SIL1: variants seen among roughly 807,000 people sequenced by gnomAD.
SIL1 encodes SIL1 nucleotide exchange factor, also known as nucleotide exchange factor SIL1.
A neutral mutation model predicts 49.1 loss-of-function variants in SIL1; 40 were observed. That is an observed-to-expected ratio of 0.81 (90% CI 0.63 to 1.06). SIL1 has a LOEUF of 1.06. Among genes scored for constraint, SIL1 ranks in the 50% least tolerant of loss-of-function variants. The pLI is 0.00. For missense variants in SIL1, 500 were observed against 572.6 expected, an observed-to-expected ratio of 0.87 and a Z score of 1.29; for synonymous variants, 253 against 250.8, an observed-to-expected ratio of 1.01 and a Z score of -0.08.
At chr5:139,170,801 C>G (rs1334891200) in intron 1 of SIL1, among the ~76,000 whole-genome samples, 1 of 151,270 alleles carries the variant, frequency 6.6e-6, no homozygotes, top group Non-Finnish European at 1.5e-5. Flanking sequence ...GCCAGGCCAG[C>G]CGCCCCGTCC....
chr5:139,082,371 G>T (rs1561855093), intron 3 of SIL1, among the ~76,000 whole-genome samples: 1 of 152,116 alleles, frequency 6.6e-6, no homozygotes, highest in Non-Finnish European at 1.5e-5. Flanking sequence ...GAGTCTGACA[G>T]CACCTCAGGA....
At chr5:139,170,866 G>A (rs1751745638) in intron 1 of SIL1, among the ~76,000 whole-genome samples, 1 of 150,158 alleles carries the variant, frequency 6.7e-6, no homozygotes, top group African/African-American at 2.4e-5. Context: ...CGTCCGGGAG[G>A]TGAGGGGCGC....
intron 3 of SIL1, among the ~76,000 whole-genome samples, chr5:139,081,112 C>T (rs563194442): frequency 5.9e-5 from 9 of 152,246 alleles, no homozygotes; most frequent in South Asian, 4.2e-4. Flanking sequence ...TCCTGTCCTA[C>T]GACAGACATT....
intron 7 of SIL1, among the ~76,000 whole-genome samples, chr5:139,004,819 C>T (rs1768072593): frequency 6.6e-6 from 1 of 152,078 alleles, no homozygotes; most frequent in Non-Finnish European, 1.5e-5. Context: ...ACAAATGAAA[C>T]TAGAGGACAT....
At chr5:139,109,812 T>C (rs1265071276) in intron 3 of SIL1, among the ~76,000 whole-genome samples, 7 of 149,564 alleles carry the variant, frequency 4.7e-5, no homozygotes, top group African/African-American at 1.5e-4. Context: ...ACCCCTTCCA[T>C]TCTAGGATCC....
At chr5:138,983,846 C>T (rs1007938833) in intron 7 of SIL1, among the ~76,000 whole-genome samples, 3 of 121,960 alleles carry the variant, frequency 2.5e-5, no homozygotes, top group East Asian at 2.0e-4. Flanking sequence ...CACCACTAGA[C>T]AAGAGCTTCC....
At chr5:139,088,336 A>G (rs1770270783) in intron 3 of SIL1, among the ~76,000 whole-genome samples, 1 of 152,236 alleles carries the variant, frequency 6.6e-6, no homozygotes, top group African/African-American at 2.4e-5. Flanking sequence ...ACTGGCTGAC[A>G]ATAAAGCCTT....
At chr5:139,084,651 G>A (rs1770169745) in intron 3 of SIL1, among the ~76,000 whole-genome samples, 1 of 119,562 alleles carries the variant, frequency 8.4e-6, no homozygotes, top group South Asian at 3.4e-4. Flanking sequence ...GGGGGAGGGG[G>A]GAGGGATAGC....
At chr5:139,108,920 A>G (rs1215050098) in intron 3 of SIL1, among the ~76,000 whole-genome samples, 1 of 148,800 alleles carries the variant, frequency 6.7e-6, no homozygotes, top group Non-Finnish European at 1.5e-5. Flanking sequence ...AAAAAAAAAG[A>G]GTATTGTGTT....
rs70982757 is a variant in SIL1 at position 139,176,927 on chromosome 5, C to CTTT, written c.-11+21339_-11+21341dup. Among the ~76,000 whole-genome samples the CTTT allele has an allele frequency of 9.0e-3, 864 of 95,794 alleles. 4 individuals carry two copies. Among genetic ancestry groups the CTTT allele is most frequent in the Non-Finnish European group, 0.014 (689 of 48,840 alleles). The allele number at this position is 95,794 out of a possible 152,430, so 62.8% of individuals were successfully genotyped here. On this transcript the variant is annotated intron_variant, in intron 1 of 9. Coordinates refer to ENST00000394817, the MANE Select transcript of SIL1 (RefSeq NM_022464.5). ...GCTTCCAAGTGGAGAAGCTGAGATT[C>CTTT]TTTTTTTTTTTTTTTTTTTTTTTGA...
At position 138,947,699 on chromosome 5, in the gene SIL1, G is replaced by C. The variant is rs1766667741; in HGVS notation, c.1030-226C>G. 6.6e-6 allele frequency among the ~76,000 whole-genome samples: 1 copy of C among 152,220 alleles called. No individual in the cohort carries two copies. The highest frequency in any genetic ancestry group is 6.5e-5 in the Admixed American group (1 of 15,290). On this transcript the variant is annotated intron_variant, in intron 9 of 9. Coordinates refer to ENST00000394817, the MANE Select transcript of SIL1 (RefSeq NM_022464.5). The surrounding 1 kb of genome is among the most constrained non-coding windows in gnomAD (Gnocchi z 4.1). ...GCCAGGTGCTGAAGAAACCACGATG[G>C]AGACATAGTCTTACCCTCAAGGAGC...
Position 138,947,303 on chromosome 5 carries a change from T to C in SIL1, c.1200A>G (p.Thr400=). Reference sequence around the variant, plus strand: ...GGCAGGTGGTCAGGAGGACGCCCAGTGTCTGCAGCACCTTCTCACGGGCAT... The same window carrying C: ...GGCAGGTGGTCAGGAGGACGCCCAGCGTCTGCAGCACCTTCTCACGGGCAT... ...EHDAREKVLQ[T]LGVLLTTCRD... The change falls in exon 10 of 10, where the codon ACA becomes ACG. Residue 400 remains threonine (T), a synonymous_variant. Transcript: ENST00000394817. This position sits in a 1 kb window ranked among gnomAD's most constrained non-coding sequence, Gnocchi z 4.1. 2.5e-6 allele frequency: 4 copies of C among 1,613,464 alleles called. No homozygotes were observed. Among genetic ancestry groups the C allele is most frequent in the Non-Finnish European group, 3.4e-6 (4 of 1,179,998 alleles).
intron 7 of SIL1, among the ~76,000 whole-genome samples, chr5:139,011,568 A>C (rs181271084): frequency 5.8e-4 from 88 of 152,146 alleles, no homozygotes; most frequent in African/African-American, 2.0e-3. Context: ...TCCTGGCTTC[A>C]AGTGATCCTC....
At chr5:139,046,979 G>C (rs554313423) in intron 4 of SIL1, among the ~76,000 whole-genome samples, 16 of 152,216 alleles carry the variant, frequency 1.1e-4, no homozygotes, top group Non-Finnish European at 2.1e-4. Flanking sequence ...TGTGGAGGCT[G>C]TTTTGTTTAT....
chr5:139,055,622 C>CCT (rs1561844807), intron 3 of SIL1, among the ~76,000 whole-genome samples: 4 of 100,152 alleles, frequency 4.0e-5, no homozygotes, highest in African/African-American at 1.5e-4. Context: ...CCCTCTCCCC[C>CCT]TCTCCCCCTC....
intron 3 of SIL1, among the ~76,000 whole-genome samples, chr5:139,076,187 G>A (rs987596813): frequency 2.0e-5 from 3 of 152,084 alleles, no homozygotes; most frequent in South Asian, 4.2e-4. Flanking sequence ...CAACAGTACC[G>A]GAATCAGTTC....
At chr5:139,188,924 A>C (rs1752121437) in intron 1 of SIL1, among the ~76,000 whole-genome samples, 1 of 152,222 alleles carries the variant, frequency 6.6e-6, no homozygotes, top group South Asian at 2.1e-4. Context: ...TGAGTAAGGA[A>C]GGAGATGGCA....
intron 4 of SIL1, among the ~76,000 whole-genome samples, chr5:139,044,960 T>A (rs992371478): frequency 2.0e-5 from 3 of 152,190 alleles, no homozygotes; most frequent in Admixed American, 2.0e-4. Flanking sequence ...ACACTACTAA[T>A]CAAAATTACC....
Position 139,088,237 on chromosome 5 carries a change from T to C in SIL1, c.244+32798A>G, listed in dbSNP as rs1770267454. 3.9e-5 allele frequency among the ~76,000 whole-genome samples: 6 copies of C among 152,368 alleles called. No homozygotes were observed. The Middle Eastern group carries it at 0.014, about 346-fold the overall frequency. ...GTTGCTGACTGCTGACTAAGTGCCC[T>C]TTCCTTTTTGTCATTTCTCTGACAA... On this transcript the variant is annotated intron_variant, in intron 3 of 9. Coordinates refer to ENST00000394817, the MANE Select transcript of SIL1 (RefSeq NM_022464.5).
Sources: allele counts gnomAD v4.1 joint callset (sites outside exome capture counted in the v4.1 genomes callset), GRCh38; gene constraint gnomAD v4.1.1; non-coding constraint Gnocchi (gnomAD v3.1); transcripts MANE v1.5; gene names NCBI Gene and HGNC (gene_info 2026-07-23, HGNC 2026-07-21).